The following LDLRAD3 variants were observed in gnomAD, a reference collection of about 807,000 sequenced individuals.
LDLRAD3 encodes the protein low-density lipoprotein receptor class A domain-containing protein 3.
A neutral mutation model predicts 29.4 loss-of-function variants in LDLRAD3; 20 were observed. The ratio of observed to expected loss-of-function variants is 0.68; its 90% CI spans 0.48 to 0.99. The LOEUF is 0.99. Ranked by LOEUF, LDLRAD3 falls within the 50% of genes least tolerant of loss-of-function variation. The pLI is 0.00. For missense variants in LDLRAD3, 420 were observed against 454.3 expected, an observed-to-expected ratio of 0.92 and a Z score of 0.69; for synonymous variants, 157 against 192.7, an observed-to-expected ratio of 0.81 and a Z score of 1.53.
chr11:36,032,728 G>A (rs1852250962), intron 1 of LDLRAD3, among the ~76,000 whole-genome samples: 1 of 152,142 alleles, frequency 6.6e-6, no homozygotes, highest in Non-Finnish European at 1.5e-5. Context: ...ATTGATCCCT[G>A]TTGAAAACCC....
At chr11:36,127,379 A>G (rs1279582300) in intron 4 of LDLRAD3, among the ~76,000 whole-genome samples, 5 of 152,254 alleles carry the variant, frequency 3.3e-5, no homozygotes, top group Non-Finnish European at 7.4e-5. Flanking sequence ...ATTTGAATTT[A>G]TATAGTACAT....
chr11:36,027,329 C>A (rs1852180154), intron 1 of LDLRAD3, among the ~76,000 whole-genome samples: 3 of 152,172 alleles, frequency 2.0e-5, no homozygotes, highest in African/African-American at 7.2e-5. Context: ...CATTTTTCTA[C>A]TGGGCTGCTT....
chr11:36,142,586 G>A (rs146471767), intron 4 of LDLRAD3, among the ~76,000 whole-genome samples: 1 of 151,980 alleles, frequency 6.6e-6, no homozygotes, highest in African/African-American at 2.4e-5. Context: ...TCTGGTTCCC[G>A]CCCCCGCCTC....
intron 4 of LDLRAD3, among the ~76,000 whole-genome samples, chr11:36,145,072 T>C (rs1402705537): frequency 3.1e-5 from 2 of 65,196 alleles, no homozygotes; most frequent in Non-Finnish European, 5.7e-5. Context: ...GAGGAGCCCC[T>C]CTGCCCGGCC....
At chr11:36,000,147 T>C (rs758794825) in intron 1 of LDLRAD3, among the ~76,000 whole-genome samples, 7 of 152,030 alleles carry the variant, frequency 4.6e-5, no homozygotes, top group Admixed American at 2.0e-4. Context: ...ATAATGCCAC[T>C]TGAGTTTATT....
chr11:35,983,827 G>A (rs192835443), intron 1 of LDLRAD3, among the ~76,000 whole-genome samples: 168 of 152,114 alleles, frequency 1.1e-3, no homozygotes, highest in African/African-American at 3.4e-3. Flanking sequence ...GTTTCACCAC[G>A]TTGGCCAGGC....
rs1005251273 is a variant in LDLRAD3, at chr11:36,197,453, C to G, written c.455-29632C>G. ...GGGTTGATAACTGTGTGAGGTTGTG[C>G]TGGGTACACAGTCTTTCTGTGCTGT... On this transcript the variant is annotated intron_variant, in intron 4 of 5. Transcript: ENST00000315571. 3 of 152,228 alleles carry G rather than the reference C, an allele frequency of 2.0e-5. 1 individual carries two copies. Among genetic ancestry groups the G allele is most frequent in the African/African-American group, 7.2e-5 (3 of 41,452 alleles). 9.4% of individuals were successfully genotyped at this position (152,228 alleles called of 1,614,324 possible).
chr11:36,021,518 T>G (rs1036265265), intron 1 of LDLRAD3, among the ~76,000 whole-genome samples: 4 of 152,068 alleles, frequency 2.6e-5, no homozygotes, highest in African/African-American at 9.7e-5. Context: ...GATGGAAAAT[T>G]AACGTTTGAA....
At chr11:36,044,823 T>G (rs1852426591) in intron 2 of LDLRAD3, among the ~76,000 whole-genome samples, 1 of 152,258 alleles carries the variant, frequency 6.6e-6, no homozygotes, top group South Asian at 2.1e-4. Context: ...TATGTCTTAA[T>G]GGACCTGCAG....
intron 2 of LDLRAD3, among the ~76,000 whole-genome samples, chr11:36,077,398 C>T (rs1031566897): frequency 3.9e-5 from 6 of 152,210 alleles, no homozygotes; most frequent in Admixed American, 2.0e-4. Context: ...ACACCTTTGC[C>T]CAAGTTTTGC....
chr11:36,189,579 T>A (rs1346376853), intron 4 of LDLRAD3, among the ~76,000 whole-genome samples: 2 of 152,100 alleles, frequency 1.3e-5, no homozygotes, highest in Non-Finnish European at 2.9e-5. Flanking sequence ...GAATTTACTT[T>A]TTTTTTATTA....
At chr11:36,175,776 A>G (rs993952467) in intron 4 of LDLRAD3, among the ~76,000 whole-genome samples, 1 of 152,188 alleles carries the variant, frequency 6.6e-6, no homozygotes, top group Non-Finnish European at 1.5e-5. Flanking sequence ...AATAGAATGT[A>G]TATCTGCAGT....
intron 1 of LDLRAD3, among the ~76,000 whole-genome samples, chr11:35,993,241 A>C (rs2133169362): frequency 6.6e-6 from 1 of 152,304 alleles, no homozygotes; most frequent in South Asian, 2.1e-4. Context: ...GGGGGTAAAC[A>C]AAAAAGTACC....
chr11:36,197,337 A>G (rs1855048974), intron 4 of LDLRAD3: 1 of 152,008 alleles, frequency 6.6e-6, no homozygotes, highest in South Asian at 2.1e-4. Flanking sequence ...ATACATATTT[A>G]TGAGGTGCCT....
intron 2 of LDLRAD3, among the ~76,000 whole-genome samples, chr11:36,063,942 C>T (rs971694265): frequency 2.0e-5 from 3 of 152,168 alleles, no homozygotes; most frequent in African/African-American, 7.2e-5. Context: ...GTCCATTCTG[C>T]CAAGAAGCTA....
chr11:36,189,630 C>G (rs953084395), intron 4 of LDLRAD3, among the ~76,000 whole-genome samples: 1 of 151,886 alleles, frequency 6.6e-6, no homozygotes, highest in African/African-American at 2.4e-5. Context: ...GCACAACATG[C>G]AGGTTTGTTA....
chr11:36,160,158 G>C (rs1854417932), intron 4 of LDLRAD3, among the ~76,000 whole-genome samples: 1 of 152,206 alleles, frequency 6.6e-6, no homozygotes, highest in Non-Finnish European at 1.5e-5. Context: ...ACCTGAATCT[G>C]TGTGGTGAAT....
rs750024325 is a variant in LDLRAD3, at chr11:36,229,347, A to T, written c.988A>T (p.Thr330Ser). The stretch of plus-strand genomic sequence containing the variant: ...GGGGCAGCCTGGCCCCCAGGAGGGC[A>T]CTGCTGAGCCCAGGGACTCTGAGCC... ...SPGQPGPQEG[T>S]AEPRDSEPSQ... Residue 330 changes from threonine (T) to serine (S), a missense_variant, in exon 6 of 6, where the codon ACT (threonine) becomes TCT (serine). Thr to Ser is a moderately conservative substitution (Grantham distance 58, BLOSUM62 1). Transcript: ENST00000315571. 8 of 1,614,044 alleles carry T rather than the reference A, an allele frequency of 5.0e-6. No individual in the cohort carries two copies. In the South Asian group the frequency reaches 8.8e-5, roughly 18 times the overall value.
At chr11:35,948,354 T>C (rs994711523) in intron 1 of LDLRAD3, among the ~76,000 whole-genome samples, 2 of 152,160 alleles carry the variant, frequency 1.3e-5, no homozygotes, top group Non-Finnish European at 2.9e-5. Flanking sequence ...AGGAAATGCT[T>C]GGACCATTCT....
Sources: allele counts gnomAD v4.1 joint callset (sites outside exome capture counted in the v4.1 genomes callset), GRCh38; gene constraint gnomAD v4.1.1; transcripts MANE v1.5; gene names NCBI Gene and HGNC (gene_info 2026-07-23, HGNC 2026-07-21).